The following TRPC3 variants were observed in gnomAD, a reference collection of about 807,000 sequenced individuals.
The protein encoded by TRPC3 is transient receptor potential cation channel subfamily C member 3.
A neutral mutation model predicts 90.9 loss-of-function variants in TRPC3; 54 were observed. The observed-to-expected ratio is 0.59, with a 90% confidence interval of 0.48 to 0.75. The LOEUF (loss-of-function observed/expected upper bound fraction) is 0.75. TRPC3 is among the 30% of genes least tolerant of loss of function. The pLI is 0.00. For missense variants in TRPC3, 918 were observed against 1,194.5 expected (o/e 0.77, Z 3.41); for synonymous variants, 424 against 450.9 (o/e 0.94, Z 0.75).
intron 10 of TRPC3, among the ~76,000 whole-genome samples, chr4:121,899,184 T>A (rs981603508): frequency 6.6e-6 from 1 of 152,074 alleles, no homozygotes; most frequent in Non-Finnish European, 1.5e-5. Flanking sequence ...AGCCAAACAA[T>A]CCATTTAAAA....
chr4:121,921,413 T>C lies in TRPC3; in HGVS notation c.1176+3605A>G, dbSNP rs192117477. 2.6e-3 allele frequency among the ~76,000 whole-genome samples: 387 copies of C among 148,690 alleles called. 1 individual carries two copies. Among genetic ancestry groups the C allele is most frequent in the African/African-American group, 8.9e-3 (360 of 40,398 alleles). ...GGCGGGCGCCTGTAGTCCCAGCTACTTGGGAGGCTGAGGCAGGAGAATGGC... is the reference window on the plus strand; with the variant it reads ...GGCGGGCGCCTGTAGTCCCAGCTACCTGGGAGGCTGAGGCAGGAGAATGGC... On this transcript the variant is annotated intron_variant, in intron 3 of 11. Coordinates refer to ENST00000379645, the MANE Select transcript of TRPC3 (RefSeq NM_001130698.2).
chr4:121,914,388 A>G (rs919646159), intron 4 of TRPC3, among the ~76,000 whole-genome samples: 2 of 152,176 alleles, frequency 1.3e-5, no homozygotes, highest in Non-Finnish European at 2.9e-5. Context: ...TCCCAGCGTA[A>G]CTGTTTCTTG....
chr4:121,906,203 G>A (rs1728874924), intron 7 of TRPC3, among the ~76,000 whole-genome samples: 1 of 152,004 alleles, frequency 6.6e-6, no homozygotes, highest in Admixed American at 6.6e-5. Context: ...AAATGTTCAG[G>A]AACTTAACCA....
intron 7 of TRPC3, 72 bp from the exon 8 acceptor site, chr4:121,904,589 A>T: frequency 8.2e-7 from 1 of 1,221,434 alleles, no homozygotes; most frequent in Non-Finnish European, 1.1e-6. Context: ...AGTAAAAAAC[A>T]AGTTAGGGTT....
At chr4:121,915,481 T>C (rs1034014342) in intron 3 of TRPC3, among the ~76,000 whole-genome samples, 1 of 152,166 alleles carries the variant, frequency 6.6e-6, no homozygotes, top group Admixed American at 6.5e-5. Flanking sequence ...GCCTGAAAAA[T>C]AATCAATTGA....
Position 121,914,859 on chromosome 4 carries a change from A to G in TRPC3, c.1262T>C (p.Ile421Thr), listed in dbSNP as rs1729250918. 6.2e-7 allele frequency: 1 copy of G among 1,613,990 alleles called. No homozygotes were observed. ...LSGLREQTIA[I>T]KCLVVLVVAL... Reference sequence around the variant, plus strand: ...CACGACCAGCACAACGAGACACTTGATAGCTATGGTCTGCTCCCTTAGGCC... The same window carrying G: ...CACGACCAGCACAACGAGACACTTGGTAGCTATGGTCTGCTCCCTTAGGCC... Residue 421 changes from isoleucine (I) to threonine (T), a missense_variant, in exon 4 of 12, where the codon ATC becomes ACC. Ile to Thr is a moderately conservative substitution (Grantham distance 89, BLOSUM62 -1). Around this residue, in one of 4 missense-constraint regions of TRPC3, gnomAD observed 609 missense variants for 725.9 expected, o/e 0.84. Coordinates refer to ENST00000379645, the MANE Select transcript of TRPC3 (RefSeq NM_001130698.2).
At chr4:121,942,662 C>T (rs936496690) in intron 1 of TRPC3, among the ~76,000 whole-genome samples, 5 of 152,194 alleles carry the variant, frequency 3.3e-5, no homozygotes, top group African/African-American at 1.2e-4. Context: ...AAGCAAGAAG[C>T]TGTTGTGTAT....
chr4:121,940,743 T>G (rs1730280375), intron 1 of TRPC3, among the ~76,000 whole-genome samples: 4 of 152,166 alleles, frequency 2.6e-5, no homozygotes, highest in Admixed American at 2.6e-4. Flanking sequence ...ATATAGGTAG[T>G]CTACTCATAA....
In TRPC3 at chr4:121,905,630, T is replaced by C. The variant is rs998902278; in HGVS notation, c.2058-1113A>G. On this transcript the variant is annotated intron_variant, in intron 7 of 11. Coordinates refer to ENST00000379645, the MANE Select transcript of TRPC3 (RefSeq NM_001130698.2). ...TCCATTACACCTTCAAAAGTAAGTC[T>C]TTTCTTTTCTCAGAGAAAGATTTGT... is the stretch of plus-strand genomic sequence containing the variant. 5.5e-5 allele frequency among the ~76,000 whole-genome samples: 7 copies of C among 127,110 alleles called. No individual in the cohort carries two copies. The East Asian group carries it at 2.2e-3, about 39-fold the overall frequency. 83.4% of individuals were successfully genotyped at this position (127,110 alleles called of 152,430 possible).
At chr4:121,945,297 G>A (rs1730445334) in intron 1 of TRPC3, among the ~76,000 whole-genome samples, 1 of 152,200 alleles carries the variant, frequency 6.6e-6, no homozygotes, top group Admixed American at 6.5e-5. Context: ...GGGATGTTCA[G>A]TCTCAAGATG....
chr4:121,909,226 T>C (rs1728998026), intron 6 of TRPC3, among the ~76,000 whole-genome samples: 1 of 152,116 alleles, frequency 6.6e-6, no homozygotes, highest in African/African-American at 2.4e-5. Flanking sequence ...ACAGAGGTGC[T>C]TAATTACATC....
chr4:121,945,766 G>C (rs1730465681), intron 1 of TRPC3, among the ~76,000 whole-genome samples: 1 of 152,124 alleles, frequency 6.6e-6, no homozygotes, highest in Non-Finnish European at 1.5e-5. Flanking sequence ...AAATGCTCTA[G>C]ACGTGGGGAT....
intron 1 of TRPC3, among the ~76,000 whole-genome samples, chr4:121,941,332 T>A (rs2149150813): frequency 6.6e-6 from 1 of 152,298 alleles, no homozygotes; most frequent in African/African-American, 2.4e-5. Flanking sequence ...CAATGTGAGT[T>A]GAGTTAATGA....
At chr4:121,942,935 T>C (rs1436660775) in intron 1 of TRPC3, among the ~76,000 whole-genome samples, 5 of 152,360 alleles carry the variant, frequency 3.3e-5, no homozygotes, top group East Asian at 1.9e-4. Flanking sequence ...AGAACTTAGA[T>C]GTTTATGCTT....
At chr4:121,897,980 T>A in intron 10 of TRPC3, among the ~76,000 whole-genome samples, 1 of 151,944 alleles carries the variant, frequency 6.6e-6, no homozygotes, top group Admixed American at 6.6e-5. Context: ...ATAAAAAAGA[T>A]TGAAATCCCA....
intron 8 of TRPC3, among the ~76,000 whole-genome samples, chr4:121,903,400 A>T (rs985827813): frequency 6.6e-6 from 1 of 152,182 alleles, no homozygotes; most frequent in African/African-American, 2.4e-5. Context: ...TCAATTCTGC[A>T]TGTTTGACAA....
At chr4:121,880,664 A>T (rs1435531816) in intron 11 of TRPC3, among the ~76,000 whole-genome samples, 1 of 152,132 alleles carries the variant, frequency 6.6e-6, no homozygotes, top group African/African-American at 2.4e-5. Context: ...AAGAAAAGAA[A>T]CACTGGATTC....
At chr4:121,922,680 A>G (rs924293376) in intron 3 of TRPC3, among the ~76,000 whole-genome samples, 1 of 152,228 alleles carries the variant, frequency 6.6e-6, no homozygotes, top group Non-Finnish European at 1.5e-5. Context: ...AAAACCAGTG[A>G]CAATTGAAAT....
intron 10 of TRPC3, among the ~76,000 whole-genome samples, chr4:121,891,942 A>G (rs564058922): frequency 6.6e-5 from 10 of 152,202 alleles, no homozygotes; most frequent in Non-Finnish European, 1.0e-4. Flanking sequence ...CACTGCATGC[A>G]TAAATAATCC....
Sources: allele counts gnomAD v4.1 joint callset (sites outside exome capture counted in the v4.1 genomes callset), GRCh38; gene constraint gnomAD v4.1.1; regional missense constraint gnomAD v4.1.1; transcripts MANE v1.5; gene names NCBI Gene and HGNC (gene_info 2026-07-23, HGNC 2026-07-21).